RBM39: variants seen among roughly 807,000 people sequenced by gnomAD.
The protein encoded by RBM39 is RNA-binding protein 39.
Under a neutral mutation model 79.6 loss-of-function variants are expected in RBM39, and 12 were observed. That is an observed-to-expected ratio of 0.15 (90% CI 0.10 to 0.24). The LOEUF is 0.24. Ranked by LOEUF, RBM39 falls within the 10% of genes least tolerant of loss-of-function variation. The pLI is 1.00. For missense variants in RBM39, 243 were observed against 653.4 expected, an observed-to-expected ratio of 0.37 and a Z score of 6.85; for synonymous variants, 185 against 208.4, an observed-to-expected ratio of 0.89 and a Z score of 0.97.
intron 13 of RBM39, chr20:35,708,978 T>C: frequency 5.4e-6 from 2 of 373,704 alleles, no homozygotes; most frequent in South Asian, 4.3e-5. Context: ...AAAACAAGGT[T>C]GAAAATTTTA....
intron 9 of RBM39, 53 bp from the exon 10 acceptor site, chr20:35,716,858 T>C: frequency 1.6e-6 from 2 of 1,236,348 alleles, no homozygotes; most frequent in Non-Finnish European, 2.3e-6. Flanking sequence ...ACAAAACTAC[T>C]TTCTTCCCTG....
At chr20:35,728,067 G>A (rs1176728040) in intron 6 of RBM39, among the ~76,000 whole-genome samples, 2 of 152,130 alleles carry the variant, frequency 1.3e-5, no homozygotes, top group Admixed American at 1.3e-4. Context: ...GATTACCCGC[G>A]TGAGCCACCG....
chr20:35,714,126 C>G, intron 11 of RBM39, 59 bp downstream of exon 11: 1 of 1,527,920 alleles, frequency 6.5e-7, no homozygotes, highest in South Asian at 1.2e-5. Context: ...TACATGGCTA[C>G]CTTTCTTTTC....
At chr20:35,727,413 A>AC (rs1028930398) in intron 6 of RBM39, among the ~76,000 whole-genome samples, 8 of 151,766 alleles carry the variant, frequency 5.3e-5, no homozygotes, top group Non-Finnish European at 1.0e-4. Context: ...AAAAAAAAAA[A>AC]AAACACCCAC....
intron 11 of RBM39, 65 bp downstream of exon 11, chr20:35,714,120 T>C: frequency 6.6e-7 from 1 of 1,506,302 alleles, no homozygotes; most frequent in Admixed American, 1.8e-5. Context: ...TTAGTTTACA[T>C]GGCTACCTTT....
Position 35,713,005 on chromosome 20 carries a change from G to C in RBM39, c.1174+14C>G, listed in dbSNP as rs1569000613. 6.3e-7 allele frequency: 1 copy of C among 1,587,790 alleles called. No homozygotes were observed. The highest frequency in any genetic ancestry group is 8.5e-7 in the Non-Finnish European group (1 of 1,171,002). On this transcript the variant is annotated intron_variant, in intron 12 of 16. Coordinates refer to ENST00000253363, the MANE Select transcript of RBM39 (RefSeq NM_184234.3). ...GAAAAAACGATTTAAAATTAGAAAA[G>C]ATTCAATTCCTACCTGCCACAGCAC...
intron 6 of RBM39, among the ~76,000 whole-genome samples, chr20:35,726,726 C>CAT (rs2038737992): frequency 6.6e-6 from 1 of 152,196 alleles, no homozygotes; most frequent in African/African-American, 2.4e-5. Flanking sequence ...TGTAAGTCAT[C>CAT]CTTTAAGATG....
At chr20:35,712,028 G>A (rs575165169) in intron 12 of RBM39, among the ~76,000 whole-genome samples, 1 of 152,174 alleles carries the variant, frequency 6.6e-6, no homozygotes, top group Non-Finnish European at 1.5e-5. Context: ...AGGAGGAAGA[G>A]GTTGAGCCAC....
At chr20:35,718,494 G>A (rs1049831466) in intron 9 of RBM39, among the ~76,000 whole-genome samples, 2 of 152,000 alleles carry the variant, frequency 1.3e-5, no homozygotes, top group Non-Finnish European at 2.9e-5. Context: ...TGGGCACCAC[G>A]GTGAAACCCT....
At chr20:35,730,624 ATTT>A (rs1227124914) in intron 4 of RBM39, among the ~76,000 whole-genome samples, 1 of 152,024 alleles carries the variant, frequency 6.6e-6, no homozygotes, top group African/African-American at 2.4e-5. Context: ...GAACTAAGTA[ATTT>A]TTTATTAAAG....
At chr20:35,725,338 G>A (rs1174801868) in intron 6 of RBM39, among the ~76,000 whole-genome samples, 183 bp from the exon 7 acceptor site, 2 of 152,122 alleles carry the variant, frequency 1.3e-5, no homozygotes, top group African/African-American at 4.8e-5. Context: ...AGTATATACT[G>A]TACCCTCACT....
chr20:35,741,015 T>C, intron 1 of RBM39, 128 bp from the exon 2 acceptor site: 1 of 431,114 alleles, frequency 2.3e-6, no homozygotes, highest in Non-Finnish European at 4.2e-6. Context: ...GACGATTCCG[T>C]GAGTAAACAT....
intron 8 of RBM39, among the ~76,000 whole-genome samples, chr20:35,723,404 A>G (rs1015982718): frequency 6.6e-6 from 1 of 152,104 alleles, no homozygotes; most frequent in Admixed American, 6.6e-5. Context: ...CCCAGCCACT[A>G]AGTTTGTCTT....
Position 35,721,779 on chromosome 20 carries a change from A to T in RBM39, c.786T>A (p.Thr262=). 3 of 1,614,194 alleles carry T rather than the reference A, an allele frequency of 1.9e-6. No individual in the cohort carries two copies. Among genetic ancestry groups the T allele is most frequent in the Non-Finnish European group, 2.5e-6 (3 of 1,180,018 alleles). Residue 262 remains threonine (T), a synonymous_variant, in exon 9 of 17, where the codon ACT becomes ACA. Coordinates refer to ENST00000253363, the MANE Select transcript of RBM39 (RefSeq NM_184234.3). ...LYVGSLHFNI[T]EDMLRGIFEP... ...CAAAGATCCCACGAAGCATATCTTC[A>T]GTTATGTTGAAGTGTAATGAGCCCA...
chr20:35,725,180 T>A (rs1312419416), intron 6 of RBM39, 25 bp from the exon 7 acceptor site: 1 of 1,334,748 alleles, frequency 7.5e-7, no homozygotes, highest in Non-Finnish European at 1.0e-6. Context: ...ACATATAAAA[T>A]TAATTTCATA....
intron 3 of RBM39, among the ~76,000 whole-genome samples, chr20:35,738,342 T>C (rs116328758): frequency 8.3e-4 from 126 of 152,366 alleles, no homozygotes; most frequent in African/African-American, 2.9e-3. Context: ...TTTTCTGTAC[T>C]AGTCTATAGC....
chr20:35,726,441 A>T (rs2146643631), intron 6 of RBM39, among the ~76,000 whole-genome samples: 1 of 152,134 alleles, frequency 6.6e-6, no homozygotes, highest in Admixed American at 6.5e-5. Context: ...CAAAAAGGGT[A>T]ATTTTTCTAA....
chr20:35,741,167 G>C (rs925531166), intron 1 of RBM39, among the ~76,000 whole-genome samples: 1 of 148,780 alleles, frequency 6.7e-6, no homozygotes, highest in African/African-American at 2.5e-5. Context: ...CCGAATAGCT[G>C]GGATCACAGG....
chr20:35,731,710 G>A (rs1250844897), intron 4 of RBM39: 11 of 546,200 alleles, frequency 2.0e-5, no homozygotes, highest in Non-Finnish European at 3.2e-5. Flanking sequence ...TAGAAACTCT[G>A]ATAGTTTAAC....
Sources: allele counts gnomAD v4.1 joint callset (sites outside exome capture counted in the v4.1 genomes callset), GRCh38; gene constraint gnomAD v4.1.1; transcripts MANE v1.5; gene names NCBI Gene and HGNC (gene_info 2026-07-23, HGNC 2026-07-21).